RNF169: variants seen among roughly 807,000 people sequenced by gnomAD.
The protein encoded by RNF169 is E3 ubiquitin-protein ligase RNF169.
RNF169 carries 24 observed loss-of-function variants against 53.9 expected under a neutral mutation model. The ratio of observed to expected loss-of-function variants is 0.45; its 90% confidence interval spans 0.32 to 0.63. The LOEUF (loss-of-function observed/expected upper bound fraction) is 0.63, where lower values mean the gene tolerates loss of function less well. RNF169 is among the 20% of genes least tolerant of loss of function. The pLI is 0.04. For missense variants in RNF169, 883 were observed against 906.2 expected, an observed-to-expected ratio of 0.97 and a Z score of 0.33; for synonymous variants, 396 against 363.5, an observed-to-expected ratio of 1.09 and a Z score of -1.02.
chr11:74,798,247 C>T (rs1436306270), intron 2 of RNF169, among the ~76,000 whole-genome samples: 1 of 152,218 alleles, frequency 6.6e-6, no homozygotes, highest in East Asian at 1.9e-4. Context: ...TATTTCTCTT[C>T]TTTCAAAAGC....
At position 74,837,908 on chromosome 11, in the gene RNF169, T is replaced by C. The variant is rs1171255973; in HGVS notation, c.*1178T>C. On this transcript the variant is annotated 3_prime_UTR_variant, in exon 6 of 6. Transcript: ENST00000299563. The stretch of plus-strand genomic sequence containing the variant: ...GGTGCTTCTGCCCATCTGGGCTCAT[T>C]GAGAATAGGGATGAAGATATGATTT... 1 of 152,174 alleles carries C rather than the reference T, an allele frequency of 6.6e-6. No individual in the cohort carries two copies. Among genetic ancestry groups the C allele is most frequent in the East Asian group, 1.9e-4 (1 of 5,196 alleles). The allele number at this position is 152,174 out of a possible 1,614,324, so 9.4% of individuals were successfully genotyped here.
chr11:74,752,123 T>C (rs1011686655), intron 1 of RNF169, among the ~76,000 whole-genome samples: 9 of 149,146 alleles, frequency 6.0e-5, no homozygotes, highest in African/African-American at 2.0e-4. Context: ...TCCCAGCTAC[T>C]TGGGAGACTG....
chr11:74,767,671 G>A (rs1465277429), intron 1 of RNF169, among the ~76,000 whole-genome samples: 1 of 151,922 alleles, frequency 6.6e-6, no homozygotes, highest in Non-Finnish European at 1.5e-5. Context: ...CTGGGTTCAC[G>A]CCATTCTCCT....
chr11:74,790,873 G>T (rs370791773), intron 2 of RNF169, among the ~76,000 whole-genome samples: 1 of 152,382 alleles, frequency 6.6e-6, no homozygotes, highest in East Asian at 1.9e-4. Flanking sequence ...GAGCACCTCA[G>T]TCTGGGCTCC....
intron 1 of RNF169, among the ~76,000 whole-genome samples, chr11:74,764,293 G>C (rs1435853410): frequency 6.6e-6 from 1 of 152,226 alleles, no homozygotes; most frequent in Non-Finnish European, 1.5e-5. Flanking sequence ...CAGCACTTTG[G>C]GAGGCCGAGG....
rs1053780076 is a variant in RNF169 at position 74,749,222 on chromosome 11, C to G, written c.342C>G (p.Ala114=). 13 of 1,080,892 alleles carry G rather than the reference C, an allele frequency of 1.2e-5. No individual in the cohort carries two copies. The highest frequency in any genetic ancestry group is 1.5e-5 in the Non-Finnish European group (13 of 894,266). The allele number at this position is 1,080,892 out of a possible 1,614,324, so 67.0% of individuals were successfully genotyped here. The change falls in exon 1 of 6, where the codon GCC becomes GCG. Residue 114 remains alanine (A), a synonymous_variant. Transcript: ENST00000299563. The part of the protein sequence containing the change: ...PRCRARGPGW[A]RRRARDDGQA... ...GCCGCGCCCGCGGCCCAGGCTGGGC[C>G]CGCCGTCGGGCCCGCGACGACGGCC...
intron 1 of RNF169, among the ~76,000 whole-genome samples, chr11:74,767,023 G>C (rs1389123502): frequency 1.3e-5 from 2 of 151,688 alleles, no homozygotes; most frequent in African/African-American, 4.8e-5. Context: ...TATTTTTTGT[G>C]GAGATGGGGA....
chr11:74,788,625 C>G (rs1010368753), intron 1 of RNF169, among the ~76,000 whole-genome samples: 2 of 152,108 alleles, frequency 1.3e-5, no homozygotes, highest in Non-Finnish European at 2.9e-5. Flanking sequence ...GAACTCCTGG[C>G]CTCAAGTGAT....
At chr11:74,821,440 C>T (rs373669925) in intron 4 of RNF169, among the ~76,000 whole-genome samples, 1 of 70,384 alleles carries the variant, frequency 1.4e-5, no homozygotes. Flanking sequence ...GGGCGGATCA[C>T]GAGGTCAGGA....
intron 3 of RNF169, among the ~76,000 whole-genome samples, chr11:74,816,974 C>T (rs1333068403): frequency 6.6e-6 from 1 of 151,962 alleles, no homozygotes; most frequent in South Asian, 2.1e-4. Context: ...GAGAATGAGA[C>T]CAGTAAGTAG....
chr11:74,840,566 C>T lies in RNF169; in HGVS notation c.*3836C>T, dbSNP rs1318232723. ...TGACATGGTCAGGGGAGGCCCACAC[C>T]TCAATTCAGTAACCACCTAATCTCT... On this transcript the variant is annotated 3_prime_UTR_variant, in exon 6 of 6. Coordinates refer to ENST00000299563, the MANE Select transcript of RNF169 (RefSeq NM_001098638.2). 6.6e-6 allele frequency: 1 copy of T among 152,184 alleles called. No homozygotes were observed. Among genetic ancestry groups the T allele is most frequent in the Non-Finnish European group, 1.5e-5 (1 of 68,038 alleles). 9.4% of individuals were successfully genotyped at this position (152,184 alleles called of 1,614,324 possible). A position where few individuals can be genotyped will look rare whatever the true frequency, so the allele number is the denominator to read the frequency against.
chr11:74,766,279 G>A (rs2035173365), intron 1 of RNF169, among the ~76,000 whole-genome samples: 1 of 152,160 alleles, frequency 6.6e-6, no homozygotes, highest in Admixed American at 6.5e-5. Context: ...GACACAATGA[G>A]CAAAATGCAG....
chr11:74,816,805 C>A (rs1292493689), intron 3 of RNF169, among the ~76,000 whole-genome samples: 2 of 152,130 alleles, frequency 1.3e-5, no homozygotes, highest in Non-Finnish European at 2.9e-5. Context: ...AGGGGAAAAG[C>A]TGTGAAACAA....
chr11:74,810,449 GC>G lies in RNF169; in HGVS notation c.723+120del, dbSNP rs951955516. ...GAGACCAGTAACAGTCAGTGACTGT[GC>G]AGCTTAAGAGTAGTGAAGAACTTAC... On this transcript the variant is annotated intron_variant, in intron 3 of 5. Coordinates refer to ENST00000299563, the MANE Select transcript of RNF169 (RefSeq NM_001098638.2). 4 of 922,334 alleles carry G rather than the reference GC, an allele frequency of 4.3e-6. No homozygotes were observed. In the African/African-American group the frequency reaches 6.7e-5, roughly 15 times the overall value. 57.1% of individuals were successfully genotyped at this position (922,334 alleles called of 1,614,324 possible). A position where few individuals can be genotyped will look rare whatever the true frequency, so the allele number is the denominator to read the frequency against.
At chr11:74,754,748 A>T (rs1215633094) in intron 1 of RNF169, among the ~76,000 whole-genome samples, 5 of 152,158 alleles carry the variant, frequency 3.3e-5, no homozygotes, top group Non-Finnish European at 7.3e-5. Context: ...TCAACCCGGG[A>T]GGTAGAGGTT....
chr11:74,788,552 C>A (rs1473139224), intron 1 of RNF169, among the ~76,000 whole-genome samples: 2 of 152,014 alleles, frequency 1.3e-5, no homozygotes, highest in Non-Finnish European at 2.9e-5. Context: ...ACCACCACAC[C>A]CAGCTAATTT....
At position 74,761,650 on chromosome 11, in the gene RNF169, T is replaced by G. The variant is rs535975947; in HGVS notation, c.502+12268T>G. Reference sequence around the variant, plus strand: ...TGTTGAATATTGGCCCCCACTCTTTTCTGGCTTGTAGGGTTTCTGCCGAGA... The same window carrying G: ...TGTTGAATATTGGCCCCCACTCTTTGCTGGCTTGTAGGGTTTCTGCCGAGA... On this transcript the variant is annotated intron_variant, in intron 1 of 5. Transcript: ENST00000299563. Among the ~76,000 whole-genome samples the G allele has an allele frequency of 2.0e-3, 298 of 152,362 alleles. 2 individuals are homozygous for G. The highest frequency in any genetic ancestry group is 6.9e-3 in the African/African-American group (285 of 41,580).
intron 3 of RNF169, among the ~76,000 whole-genome samples, chr11:74,811,305 G>C (rs938911623): frequency 6.6e-6 from 1 of 152,142 alleles, no homozygotes; most frequent in African/African-American, 2.4e-5. Flanking sequence ...GCAGGGGTGT[G>C]ATCATGGTTC....
intron 1 of RNF169, among the ~76,000 whole-genome samples, chr11:74,749,612 C>T (rs938612849): frequency 2.0e-5 from 3 of 152,126 alleles, no homozygotes; most frequent in African/African-American, 7.2e-5. Flanking sequence ...CTGTGCCTTA[C>T]GTAAGTCCGA....
Sources: gnomAD v4.1 joint callset for allele counts (sites outside exome capture counted in the v4.1 genomes callset) on GRCh38, gnomAD v4.1.1 for gene constraint, MANE v1.5 for transcripts, NCBI Gene and HGNC (gene_info 2026-07-23, HGNC 2026-07-21) for gene names.